The following NEK6 variants were observed in gnomAD, a reference collection of about 807,000 sequenced individuals.
NEK6 encodes the protein NIMA related kinase 6.
NEK6 carries 27 observed loss-of-function variants against 43.5 expected under a neutral mutation model. That is an observed-to-expected ratio of 0.62 (90% CI 0.46 to 0.86). NEK6 has a LOEUF of 0.86. Among genes scored for constraint, NEK6 ranks in the 40% least tolerant of loss-of-function variants. The pLI is 0.00. For missense variants in NEK6, 318 were observed against 414.4 expected (o/e 0.77, Z 2.02); for synonymous variants, 167 against 164.1 (o/e 1.02, Z -0.14).
chr9:124,343,349 C>A lies in NEK6; in HGVS notation c.717+3684C>A, dbSNP rs1829752212. 6.6e-6 allele frequency among the ~76,000 whole-genome samples: 1 copy of A among 151,974 alleles called. No homozygotes were observed. The highest frequency in any genetic ancestry group is 2.1e-4 in the South Asian group (1 of 4,820). ...ACAGATCACAGCCAGGGGTGGATAC[C>A]AGTCAGCAGTAGGAAGTGAATGAAA... On this transcript the variant is annotated intron_variant, in intron 8 of 9. Transcript: ENST00000320246. The surrounding 1 kb of genome is among the most constrained non-coding windows in gnomAD (Gnocchi z 5.1).
chr9:124,285,525 C>T (rs927785021), intron 1 of NEK6, among the ~76,000 whole-genome samples: 3 of 152,104 alleles, frequency 2.0e-5, no homozygotes, highest in African/African-American at 7.2e-5. Context: ...GAGAGTCTCC[C>T]AGGCTATAGT....
At chr9:124,336,242 A>G (rs1682644442) in intron 7 of NEK6, among the ~76,000 whole-genome samples, 1 of 151,720 alleles carries the variant, frequency 6.6e-6, no homozygotes, top group Non-Finnish European at 1.5e-5. Flanking sequence ...TGTCTTAAAG[A>G]AAAAAAAGAA....
chr9:124,258,386 A>G (rs890151699), intron 1 of NEK6: 3 of 964,802 alleles, frequency 3.1e-6, no homozygotes, highest in African/African-American at 3.5e-5. Flanking sequence ...GGACGCGGGC[A>G]TGGCTCCCCG....
At chr9:124,258,932 C>G (rs189436141) in intron 1 of NEK6, among the ~76,000 whole-genome samples, 1 of 152,376 alleles carries the variant, frequency 6.6e-6, no homozygotes, top group East Asian at 1.9e-4. Context: ...GCTCTCCTGT[C>G]TTTGTTCTTG....
chr9:124,326,824 G>C lies in NEK6; in HGVS notation c.514+386G>C, dbSNP rs1432452778. Among the ~76,000 whole-genome samples, 2 of 152,180 alleles carry C rather than the reference G, an allele frequency of 1.3e-5. No homozygotes were observed. Among genetic ancestry groups the C allele is most frequent in the African/African-American group, 2.4e-5 (1 of 41,444 alleles). The stretch of plus-strand genomic sequence containing the variant: ...CACAGTTGACATGATTCCGAGTTGT[G>C]AGAAAGGAGCCTGCTGGGTGCCCGG... On this transcript the variant is annotated intron_variant, in intron 6 of 9. Coordinates refer to ENST00000320246, the MANE Select transcript of NEK6 (RefSeq NM_014397.6). This position sits in a 1 kb window ranked among gnomAD's most constrained non-coding sequence, Gnocchi z 4.5.
intron 7 of NEK6, among the ~76,000 whole-genome samples, chr9:124,334,843 G>A (rs986165498): frequency 5.3e-5 from 8 of 152,204 alleles, no homozygotes; most frequent in Admixed American, 2.6e-4. Context: ...CCAAGGCAGC[G>A]CCAGGCCACA....
At chr9:124,349,885 C>T (rs1013401811) in intron 9 of NEK6, among the ~76,000 whole-genome samples, 1 of 152,192 alleles carries the variant, frequency 6.6e-6, no homozygotes, top group Non-Finnish European at 1.5e-5. Context: ...CACGCAGGTG[C>T]GAGGGGATAC....
intron 1 of NEK6, among the ~76,000 whole-genome samples, chr9:124,287,650 C>T (rs2119025123): frequency 6.6e-6 from 1 of 152,210 alleles, no homozygotes; most frequent in East Asian, 1.9e-4. Context: ...CATGGTGAAA[C>T]CCCATCTTTA....
At chr9:124,295,300 G>T (rs953704078) in intron 1 of NEK6, among the ~76,000 whole-genome samples, 1 of 152,238 alleles carries the variant, frequency 6.6e-6, no homozygotes, top group Non-Finnish European at 1.5e-5. Flanking sequence ...CCGGAAACCA[G>T]ACTCCATCTG....
chr9:124,265,343 G>A (rs1287757270), intron 1 of NEK6, among the ~76,000 whole-genome samples: 2 of 152,110 alleles, frequency 1.3e-5, no homozygotes, highest in African/African-American at 2.4e-5. Flanking sequence ...CCAATATGGT[G>A]AAACCCCATC....
At chr9:124,286,378 C>T (rs1427497893) in intron 1 of NEK6, 3 of 152,200 alleles carry the variant, frequency 2.0e-5, no homozygotes, top group South Asian at 2.1e-4. Flanking sequence ...TCAGGTTCCC[C>T]GGCTGTGAAA....
rs1419526128 is a variant in NEK6, at chr9:124,352,233, C to A, written c.*1286C>A. The stretch of plus-strand genomic sequence containing the variant: ...GCATCGGGCAGGTGATTCCTGACAC[C>A]TGCTGCCTGCAGGCATTCACTGACC... On this transcript the variant is annotated 3_prime_UTR_variant, in exon 10 of 10. Transcript: ENST00000320246. The A allele has an allele frequency of 1.3e-5, 2 of 152,498 alleles. No homozygotes were observed. The highest frequency in any genetic ancestry group is 4.8e-5 in the African/African-American group (2 of 41,460). 9.4% of individuals were successfully genotyped at this position (152,498 alleles called of 1,614,324 possible).
At chr9:124,300,177 A>G (rs1385047384) in intron 1 of NEK6, 2 of 152,170 alleles carry the variant, frequency 1.3e-5, no homozygotes, top group East Asian at 3.9e-4. Context: ...GGTTTGGTGG[A>G]CATCCTTTGA....
At chr9:124,348,087 C>T (rs1031065997) in intron 9 of NEK6, among the ~76,000 whole-genome samples, 5 of 152,220 alleles carry the variant, frequency 3.3e-5, no homozygotes, top group Non-Finnish European at 5.9e-5. Flanking sequence ...TGTTCAGCTC[C>T]CAACTTGGTG....
chr9:124,307,026 T>A (rs1833288011), intron 2 of NEK6, among the ~76,000 whole-genome samples: 1 of 152,108 alleles, frequency 6.6e-6, no homozygotes. Flanking sequence ...AAAATTCAGG[T>A]CAGAAGTCTG....
At chr9:124,266,192 G>A (rs1316340832) in intron 1 of NEK6, among the ~76,000 whole-genome samples, 1 of 152,138 alleles carries the variant, frequency 6.6e-6, no homozygotes, top group African/African-American at 2.4e-5. Flanking sequence ...CTGCTTCTTT[G>A]GCCTTTGCTC....
intron 8 of NEK6, among the ~76,000 whole-genome samples, chr9:124,346,370 C>T (rs1482799594): frequency 6.6e-6 from 1 of 152,178 alleles, no homozygotes; most frequent in Non-Finnish European, 1.5e-5. Flanking sequence ...TGACGGGCAC[C>T]CTCAAACCCT....
At position 124,352,459 on chromosome 9, in the gene NEK6, G is replaced by A. The variant is rs1322507776; in HGVS notation, c.*1512G>A. ...ATTTTAAAATGGCTTTGGAGATTTT[G>A]CTTTTAAACCAGTAGATTCAAAACT... is the stretch of plus-strand genomic sequence containing the variant. On this transcript the variant is annotated 3_prime_UTR_variant, in exon 10 of 10. Coordinates refer to ENST00000320246, the MANE Select transcript of NEK6 (RefSeq NM_014397.6). The A allele has an allele frequency of 6.6e-6, 1 of 152,208 alleles. No homozygotes were observed. Among genetic ancestry groups the A allele is most frequent in the Non-Finnish European group, 1.5e-5 (1 of 68,028 alleles). 9.4% of individuals were successfully genotyped at this position (152,208 alleles called of 1,614,324 possible).
chr9:124,308,096 T>G (rs529406313), intron 2 of NEK6, among the ~76,000 whole-genome samples: 1 of 152,232 alleles, frequency 6.6e-6, no homozygotes, highest in Non-Finnish European at 1.5e-5. Context: ...AGCAGCCCCC[T>G]GAAGGGGGTA....
Sources: gnomAD v4.1 joint callset for allele counts (sites outside exome capture counted in the v4.1 genomes callset) on GRCh38, gnomAD v4.1.1 for gene constraint, Gnocchi (gnomAD v3.1) non-coding constraint, MANE v1.5 for transcripts, NCBI Gene and HGNC (gene_info 2026-07-23, HGNC 2026-07-21) for gene names.